GSE1: variants seen among roughly 807,000 people sequenced by gnomAD.
GSE1 encodes the protein Gse1 coiled-coil protein, also known as genetic suppressor element 1.
GSE1 carries 32 observed loss-of-function variants against 112.6 expected under a neutral mutation model. The observed-to-expected ratio is 0.28, with a 90% CI of 0.21 to 0.38. The LOEUF (loss-of-function observed/expected upper bound fraction) is 0.38, where lower values mean the gene tolerates loss of function less well. Ranked by LOEUF, GSE1 falls within the 10% of genes least tolerant of loss-of-function variation. The pLI is 1.00. For missense variants in GSE1, 2,348 were observed against 1,699.2 expected (o/e 1.38, Z -6.71); for synonymous variants, 1,115 against 735.6 (o/e 1.52, Z -8.35).
chr16:85,591,334 G>C (rs1485173274), intron 1 of GSE1, among the ~76,000 whole-genome samples: 1 of 152,192 alleles, frequency 6.6e-6, no homozygotes, highest in Non-Finnish European at 1.5e-5. Context: ...GTCACCCCCA[G>C]CCTGAATTAG....
At chr16:85,480,436 G>C (rs2050636602) in intron 2 of GSE1, among the ~76,000 whole-genome samples, 1 of 152,106 alleles carries the variant, frequency 6.6e-6, no homozygotes, top group Admixed American at 6.5e-5. Flanking sequence ...CAGGGTCCCT[G>C]GTGAGCTCTG....
At chr16:85,339,004 G>T (rs1237059543) in intron 1 of GSE1, among the ~76,000 whole-genome samples, 2 of 152,088 alleles carry the variant, frequency 1.3e-5, no homozygotes, top group Admixed American at 6.6e-5. Flanking sequence ...GCGGGTGTTT[G>T]GGTGGACTCG....
chr16:85,378,719 G>T (rs2047478193), intron 2 of GSE1, among the ~76,000 whole-genome samples: 1 of 152,168 alleles, frequency 6.6e-6, no homozygotes, highest in South Asian at 2.1e-4. Context: ...CCCTGTGCCT[G>T]CCCTGAGTCT....
chr16:85,269,949 G>C (rs1331081474), intron 1 of GSE1, among the ~76,000 whole-genome samples: 1 of 149,728 alleles, frequency 6.7e-6, no homozygotes, highest in Non-Finnish European at 1.5e-5. Context: ...GGTTTGCATA[G>C]TGAGCCCGTG....
At chr16:85,511,274 C>T (rs1248582679) in intron 2 of GSE1, among the ~76,000 whole-genome samples, 4 of 152,364 alleles carry the variant, frequency 2.6e-5, no homozygotes, top group South Asian at 4.1e-4. Context: ...CGCCTGTAAT[C>T]CCAGCACTTT....
At chr16:85,403,434 G>T (rs976625575) in intron 2 of GSE1, among the ~76,000 whole-genome samples, 10 of 152,232 alleles carry the variant, frequency 6.6e-5, no homozygotes, top group Admixed American at 5.9e-4. Flanking sequence ...GAGAATGAGG[G>T]TCTCTTGGTT....
chr16:85,318,000 C>T (rs1469235519), intron 1 of GSE1, among the ~76,000 whole-genome samples: 1 of 152,182 alleles, frequency 6.6e-6, no homozygotes, highest in Non-Finnish European at 1.5e-5. Context: ...GCAAGCCAGT[C>T]AGGAAGAATA....
chr16:85,633,788 G>T, intron 1 of GSE1, 126 bp from the exon 2 acceptor site: 1 of 670,492 alleles, frequency 1.5e-6, no homozygotes, highest in East Asian at 2.7e-5. Flanking sequence ...TGCTTGTCCT[G>T]CTGGAGCCCC....
chr16:85,515,301 AG>A (rs1449540035), intron 2 of GSE1, among the ~76,000 whole-genome samples: 2 of 152,230 alleles, frequency 1.3e-5, no homozygotes, highest in Non-Finnish European at 2.9e-5. Flanking sequence ...GGGAGCCAGG[AG>A]GGGCCTGGTC....
chr16:85,265,615 C>T (rs1353130613), intron 1 of GSE1, among the ~76,000 whole-genome samples: 1 of 152,160 alleles, frequency 6.6e-6, no homozygotes, highest in African/African-American at 2.4e-5. Context: ...GCCTCCAAAT[C>T]AGCTGACTCC....
At chr16:85,610,546 G>C (rs1158451725), upstream of GSE1, among the ~76,000 whole-genome samples, 1 of 152,222 alleles carries the variant, frequency 6.6e-6, no homozygotes, top group Non-Finnish European at 1.5e-5. Context: ...CCTTAAACTC[G>C]GAGGCCGTGC....
chr16:85,248,384 T>C (rs1053598740), intron 1 of GSE1, among the ~76,000 whole-genome samples: 1 of 152,118 alleles, frequency 6.6e-6, no homozygotes, highest in African/African-American at 2.4e-5. Context: ...ATCTCTCCCC[T>C]TTTTTCCCTC....
chr16:85,638,090 A>G (rs1413652981), intron 2 of GSE1, among the ~76,000 whole-genome samples: 2 of 149,894 alleles, frequency 1.3e-5, no homozygotes, highest in Non-Finnish European at 3.0e-5. Context: ...ACTCACCCTG[A>G]CCCTCCTCTC....
intron 2 of GSE1, among the ~76,000 whole-genome samples, chr16:85,528,930 A>T (rs1304230992): frequency 5.3e-5 from 8 of 152,198 alleles, no homozygotes; most frequent in African/African-American, 1.9e-4. Flanking sequence ...GAGTGGGAGG[A>T]AAATAGCTCA....
chr16:85,622,614 C>G (rs1458336210), intron 1 of GSE1, among the ~76,000 whole-genome samples: 1 of 152,186 alleles, frequency 6.6e-6, no homozygotes, highest in Non-Finnish European at 1.5e-5. Context: ...GTCTGGTCCG[C>G]CACTTTGAAC....
At chr16:85,368,859 G>A (rs2047238455) in intron 2 of GSE1, among the ~76,000 whole-genome samples, 1 of 152,166 alleles carries the variant, frequency 6.6e-6, no homozygotes, top group South Asian at 2.1e-4. Flanking sequence ...AGAGTGATGG[G>A]TCCCCCTCCC....
intron 2 of GSE1, among the ~76,000 whole-genome samples, chr16:85,436,070 A>G (rs1366202818): frequency 1.3e-5 from 2 of 152,182 alleles, no homozygotes; most frequent in East Asian, 3.9e-4. Flanking sequence ...AGCTGTCTGC[A>G]TCATCGTACC....
chr16:85,253,946 G>A (rs1035596634), intron 1 of GSE1, among the ~76,000 whole-genome samples: 3 of 152,216 alleles, frequency 2.0e-5, no homozygotes, highest in African/African-American at 7.2e-5. Flanking sequence ...GGGCTCAGAG[G>A]TGGCAAACAT....
chr16:85,364,786 G>T (rs886947643), intron 2 of GSE1, among the ~76,000 whole-genome samples: 1 of 152,168 alleles, frequency 6.6e-6, no homozygotes, highest in South Asian at 2.1e-4. Flanking sequence ...CGGGGAGCAG[G>T]ACAGCAGCCA....
Sources: allele counts gnomAD v4.1 joint callset (sites outside exome capture counted in the v4.1 genomes callset), GRCh38; gene constraint gnomAD v4.1.1; transcripts MANE v1.5; gene names NCBI Gene and HGNC (gene_info 2026-07-23, HGNC 2026-07-21).